Variants in CNTNAP2 observed in about 807,000 individuals in gnomAD.
CNTNAP2 encodes the protein contactin associated protein 2.
In CNTNAP2, 98 loss-of-function variants were observed where a neutral mutation model predicts 155.2. The observed-to-expected ratio is 0.63, with a 90% CI of 0.54 to 0.75. The LOEUF (loss-of-function observed/expected upper bound fraction) is 0.75, where lower values mean the gene tolerates loss of function less well. Ranked by LOEUF, CNTNAP2 falls within the 30% of genes least tolerant of loss-of-function variation. The pLI, the probability that CNTNAP2 is intolerant of heterozygous loss-of-function variation, is 0.00. For missense variants in CNTNAP2, 1,727 were observed against 1,688.1 expected (o/e 1.02, Z -0.40); for synonymous variants, 651 against 631.2 (o/e 1.03, Z -0.47).
At chr7:147,697,759 C>T (rs1483111647) in intron 13 of CNTNAP2, among the ~76,000 whole-genome samples, 2 of 152,136 alleles carry the variant, frequency 1.3e-5, no homozygotes, top group African/African-American at 4.8e-5. Context: ...AGATTCAGCT[C>T]TGGTAAAATA....
chr7:146,453,377 C>T (rs929252136), intron 1 of CNTNAP2, among the ~76,000 whole-genome samples: 3 of 152,178 alleles, frequency 2.0e-5, no homozygotes, highest in African/African-American at 7.2e-5. Context: ...TAACCCTACA[C>T]TAAATGCTGC....
chr7:147,708,695 G>A (rs1233913943), intron 13 of CNTNAP2, among the ~76,000 whole-genome samples: 1 of 152,128 alleles, frequency 6.6e-6, no homozygotes, highest in African/African-American at 2.4e-5. Context: ...CCACTGGGGA[G>A]CCAGCCTCTC....
intron 1 of CNTNAP2, among the ~76,000 whole-genome samples, chr7:146,711,127 C>G (rs991164597): frequency 6.6e-6 from 1 of 151,322 alleles, no homozygotes; most frequent in Admixed American, 6.6e-5. Context: ...CACAGACACA[C>G]ACACACATAT....
At chr7:146,350,728 A>T (rs1198816407) in intron 1 of CNTNAP2, among the ~76,000 whole-genome samples, 1 of 152,096 alleles carries the variant, frequency 6.6e-6, no homozygotes, top group African/African-American at 2.4e-5. Flanking sequence ...ACACATGCAC[A>T]CGTATGTTTA....
chr7:147,018,609 T>A (rs1798767265), intron 3 of CNTNAP2, among the ~76,000 whole-genome samples: 1 of 152,098 alleles, frequency 6.6e-6, no homozygotes, highest in South Asian at 2.1e-4. Flanking sequence ...TCACATTTTT[T>A]AAAAGAGAGT....
At chr7:148,015,936 T>A (rs1363192602) in intron 15 of CNTNAP2, among the ~76,000 whole-genome samples, 1 of 152,212 alleles carries the variant, frequency 6.6e-6, no homozygotes, top group East Asian at 1.9e-4. Flanking sequence ...ATTCACCAAC[T>A]CCCTTTATCC....
chr7:148,067,635 A>G (rs1297603433), intron 15 of CNTNAP2, among the ~76,000 whole-genome samples: 2 of 152,264 alleles, frequency 1.3e-5, no homozygotes, highest in East Asian at 3.9e-4. Flanking sequence ...AGAGAGCATC[A>G]GCTGAAACAA....
intron 21 of CNTNAP2, among the ~76,000 whole-genome samples, chr7:148,295,387 A>G (rs1253405962): frequency 6.6e-6 from 1 of 151,352 alleles, no homozygotes; most frequent in African/African-American, 2.4e-5. Flanking sequence ...AACAAGGGCT[A>G]CAAAAGAAGC....
chr7:146,407,745 T>C (rs759566434), intron 1 of CNTNAP2, among the ~76,000 whole-genome samples: 7 of 152,212 alleles, frequency 4.6e-5, no homozygotes, highest in Non-Finnish European at 8.8e-5. Context: ...GGCTATGAAC[T>C]GCACGGTTCA....
chr7:148,274,462 G>T (rs1251708455), intron 21 of CNTNAP2, among the ~76,000 whole-genome samples: 2 of 152,328 alleles, frequency 1.3e-5, no homozygotes, highest in South Asian at 4.1e-4. Context: ...GTGGGGCCTG[G>T]TGGGAGGTGT....
chr7:147,114,434 T>C (rs569089686), intron 5 of CNTNAP2, among the ~76,000 whole-genome samples: 3 of 152,310 alleles, frequency 2.0e-5, no homozygotes, highest in South Asian at 4.1e-4. Context: ...ACTATTATTG[T>C]GTAGGAATCT....
rs144472585 is a variant in CNTNAP2 at position 146,977,338 on chromosome 7, T to G, written c.403-66569T>G. On this transcript the variant is annotated intron_variant, in intron 3 of 23. Transcript: ENST00000361727. ...CATAAAGATACCATATGTGCATAGA[T>G]GGACTTCCTGTAAGAATGAATAGAG... Among the ~76,000 whole-genome samples, 5 of 152,196 alleles carry G rather than the reference T, an allele frequency of 3.3e-5. No homozygotes were observed. In the East Asian group the frequency reaches 5.8e-4, roughly 18 times the overall value.
At chr7:148,342,537 C>G (rs1377833540) in intron 21 of CNTNAP2, among the ~76,000 whole-genome samples, 1 of 152,244 alleles carries the variant, frequency 6.6e-6, no homozygotes, top group African/African-American at 2.4e-5. Context: ...CTTGGTATAT[C>G]TGTGCATACA....
At chr7:147,659,199 C>T (rs1036959670) in intron 13 of CNTNAP2, among the ~76,000 whole-genome samples, 6 of 152,098 alleles carry the variant, frequency 3.9e-5, no homozygotes, top group African/African-American at 1.2e-4. Context: ...TCAATCTTTT[C>T]TCATTTCTAA....
intron 1 of CNTNAP2, among the ~76,000 whole-genome samples, chr7:146,708,215 C>T (rs1451371047): frequency 6.6e-6 from 1 of 152,102 alleles, no homozygotes; most frequent in Admixed American, 6.6e-5. Context: ...GCTCACAAAC[C>T]TGTAAATTGC....
At chr7:147,937,044 TCACCAC>T (rs151046019) in intron 14 of CNTNAP2, among the ~76,000 whole-genome samples, 5 of 150,384 alleles carry the variant, frequency 3.3e-5, no homozygotes, top group African/African-American at 9.8e-5. Flanking sequence ...CCTCACCCCC[TCACCAC>T]CACCACCACC....
chr7:148,012,964 G>A (rs1411491705), intron 15 of CNTNAP2, among the ~76,000 whole-genome samples: 1 of 152,136 alleles, frequency 6.6e-6, no homozygotes, highest in Admixed American at 6.6e-5. Flanking sequence ...ATACCATTCA[G>A]CCTCCCTTTT....
intron 1 of CNTNAP2, among the ~76,000 whole-genome samples, chr7:146,303,209 A>G (rs925123695): frequency 2.0e-5 from 3 of 151,982 alleles, no homozygotes; most frequent in African/African-American, 4.8e-5. Context: ...AAAGAACACT[A>G]TAGGAAATGA....
In CNTNAP2 at chr7:146,372,623, C is replaced by T. The variant is rs1009876576; in HGVS notation, c.97+255650C>T. On this transcript the variant is annotated intron_variant, in intron 1 of 23. Transcript: ENST00000361727. Reference sequence around the variant, plus strand: ...TCACTTCAAAGAGGCGAGTAAGAGGCGAGTAAGAAGGAATATAAGCTCTAT... The same window carrying T: ...TCACTTCAAAGAGGCGAGTAAGAGGTGAGTAAGAAGGAATATAAGCTCTAT... Among the ~76,000 whole-genome samples the T allele has an allele frequency of 5.9e-5, 9 of 151,972 alleles. No homozygotes were observed. In the East Asian group the frequency reaches 9.6e-4, roughly 16 times the overall value.
Sources: gnomAD v4.1 joint callset for allele counts (sites outside exome capture counted in the v4.1 genomes callset) on GRCh38, gnomAD v4.1.1 for gene constraint, MANE v1.5 for transcripts, NCBI Gene and HGNC (gene_info 2026-07-23, HGNC 2026-07-21) for gene names.